COL11A1: variants seen among roughly 807,000 people sequenced by gnomAD.
The protein encoded by COL11A1 is collagen type XI alpha 1 chain.
COL11A1 carries 74 observed loss-of-function variants against 265.2 expected under a neutral mutation model. That is an observed-to-expected ratio of 0.28 (90% CI 0.23 to 0.34). The LOEUF (loss-of-function observed/expected upper bound fraction) is 0.34. Ranked by LOEUF, COL11A1 falls within the 10% of genes least tolerant of loss-of-function variation. COL11A1 has a pLI of 1.00. For synonymous variants in COL11A1, 816 were observed against 727.6 expected, an observed-to-expected ratio of 1.12 and a Z score of -1.96; for missense variants, 2,165 against 2,263.6, an observed-to-expected ratio of 0.96 and a Z score of 0.88.
chr1:103,054,194 T>A (rs1267690497), intron 4 of COL11A1, among the ~76,000 whole-genome samples: 2 of 152,252 alleles, frequency 1.3e-5, no homozygotes, highest in African/African-American at 4.8e-5. Flanking sequence ...AGTAATTTTG[T>A]TGTTTTAATA....
At chr1:103,048,237 C>A (rs965872868) in intron 4 of COL11A1, among the ~76,000 whole-genome samples, 2 of 152,024 alleles carry the variant, frequency 1.3e-5, no homozygotes, top group African/African-American at 4.8e-5. Context: ...TGGTCCTGGA[C>A]TTTTTTTGGT....
chr1:103,037,858 GA>G (rs1476295075), intron 4 of COL11A1, among the ~76,000 whole-genome samples: 1 of 151,942 alleles, frequency 6.6e-6, no homozygotes, highest in Non-Finnish European at 1.5e-5. Flanking sequence ...ATACCTTATT[GA>G]ACTACAGAAA....
chr1:102,940,501 A>G (rs1465339468), intron 42 of COL11A1, 67 bp from the exon 43 acceptor site: 13 of 1,133,858 alleles, frequency 1.1e-5, no homozygotes, highest in Admixed American at 2.0e-5. Flanking sequence ...GTAATAATCT[A>G]GCTTCTATAT....
chr1:102,998,471 C>T (rs1470391032), intron 24 of COL11A1, 108 bp from the exon 25 acceptor site: 1 of 663,066 alleles, frequency 1.5e-6, no homozygotes, highest in Non-Finnish European at 2.5e-6. Flanking sequence ...GGCTTCAATT[C>T]ATAAGTAATA....
At chr1:102,942,766 C>T (rs879757748) in intron 42 of COL11A1, among the ~76,000 whole-genome samples, 3 of 151,998 alleles carry the variant, frequency 2.0e-5, no homozygotes, top group Non-Finnish European at 4.4e-5. Flanking sequence ...TTTTATGGCA[C>T]TCTGATTCAC....
At chr1:103,048,626 C>T (rs949644765) in intron 4 of COL11A1, among the ~76,000 whole-genome samples, 23 of 152,082 alleles carry the variant, frequency 1.5e-4, no homozygotes, top group African/African-American at 5.1e-4. Context: ...TTAGTTATTT[C>T]TTGCTTTATG....
intron 39 of COL11A1, 111 bp downstream of exon 39, chr1:102,962,542 C>T (rs1661019565): frequency 1.0e-6 from 1 of 969,806 alleles, no homozygotes; most frequent in African/African-American, 1.6e-5. Context: ...AAATATTTTC[C>T]TGACACATCT....
intron 42 of COL11A1, among the ~76,000 whole-genome samples, chr1:102,942,746 T>C (rs888677776): frequency 1.3e-5 from 2 of 152,100 alleles, no homozygotes; most frequent in African/African-American, 4.8e-5. Flanking sequence ...CAGTTTATTA[T>C]TTCATCCTTT....
intron 53 of COL11A1, 93 bp downstream of exon 53, chr1:102,913,544 T>C: frequency 1.6e-6 from 2 of 1,221,166 alleles, no homozygotes; most frequent in South Asian, 1.2e-5. Context: ...TACATAGAGC[T>C]ATGTTTTTCA....
rs973339640 is a variant in COL11A1, at chr1:102,908,329, G to T, written c.4086+3830C>A. On this transcript the variant is annotated intron_variant, in intron 54 of 66. Coordinates refer to ENST00000370096, the MANE Select transcript of COL11A1 (RefSeq NM_001854.4). ...ATGTTACAAATATTTTCTCCTAATC[G>T]GATCTTTTTGTTCCAATGTCTTCTA... Among the ~76,000 whole-genome samples, 4 of 151,692 alleles carry T rather than the reference G, an allele frequency of 2.6e-5. No homozygotes were observed. In the East Asian group the frequency reaches 5.8e-4, roughly 22 times the overall value.
intron 4 of COL11A1, among the ~76,000 whole-genome samples, chr1:103,044,844 T>C (rs965922772): frequency 1.3e-5 from 2 of 152,034 alleles, no homozygotes; most frequent in African/African-American, 4.8e-5. Flanking sequence ...AAGAATAATG[T>C]AGTATGCCAG....
At chr1:102,990,781 C>G (rs1664050062) in intron 28 of COL11A1, among the ~76,000 whole-genome samples, 1 of 152,046 alleles carries the variant, frequency 6.6e-6, no homozygotes, top group Non-Finnish European at 1.5e-5. Context: ...GCCTGTAATC[C>G]CAGCAGTTTG....
chr1:102,924,391 T>C (rs1052821052), intron 46 of COL11A1, among the ~76,000 whole-genome samples: 30 of 152,236 alleles, frequency 2.0e-4, no homozygotes, highest in African/African-American at 7.0e-4. Context: ...GACTACTTAT[T>C]TGATCTTCCC....
chr1:102,937,431 G>C (rs1015999853), intron 44 of COL11A1, among the ~76,000 whole-genome samples: 1 of 152,080 alleles, frequency 6.6e-6, no homozygotes, highest in Non-Finnish European at 1.5e-5. Flanking sequence ...TACTGCTATC[G>C]TTTGGATATG....
intron 46 of COL11A1, among the ~76,000 whole-genome samples, chr1:102,930,458 G>T (rs914501119): frequency 6.6e-6 from 1 of 151,966 alleles, no homozygotes; most frequent in Non-Finnish European, 1.5e-5. Flanking sequence ...CATCATGGTG[G>T]ATAAGCTTTT....
chr1:103,004,460 C>G lies in COL11A1; in HGVS notation c.1928G>C (p.Gly643Ala), dbSNP rs1427555518. The G allele has an allele frequency of 1.2e-6, 2 of 1,611,598 alleles. No homozygotes were observed. Among genetic ancestry groups the G allele is most frequent in the African/African-American group, 2.7e-5 (2 of 74,806 alleles). The change falls in exon 20 of 67, where the codon GGT becomes GCT. Residue 643 changes from glycine (G) to alanine (A), a missense_variant. Gly to Ala is a moderately conservative substitution (Grantham distance 60). Transcript: ENST00000370096. ...RGEDGEIGPR[G>A]LPGEAGPRGL... is the part of the protein sequence containing the mutation. ...GTTGCTTACAGCTTCACCTGGAAGA[C>G]CTCTTGGTCCAATTTCTCCATCTTC...
At chr1:102,922,391 G>A (rs1018384587) in intron 47 of COL11A1, among the ~76,000 whole-genome samples, 9 of 152,068 alleles carry the variant, frequency 5.9e-5, no homozygotes, top group Admixed American at 1.3e-4. Context: ...CCAGTTATTT[G>A]AATCAGAAAA....
intron 1 of COL11A1, among the ~76,000 whole-genome samples, chr1:103,103,401 C>G (rs1013134772): frequency 6.6e-6 from 1 of 151,870 alleles, no homozygotes; most frequent in Non-Finnish European, 1.5e-5. Context: ...AGAGAGCATA[C>G]AAAACTATGT....
intron 44 of COL11A1, among the ~76,000 whole-genome samples, chr1:102,938,274 A>G (rs1485689963): frequency 6.6e-6 from 1 of 152,146 alleles, no homozygotes; most frequent in Non-Finnish European, 1.5e-5. Flanking sequence ...TGCTGGGGAT[A>G]ATGTATAAAC....
Sources: allele counts gnomAD v4.1 joint callset (sites outside exome capture counted in the v4.1 genomes callset), GRCh38; gene constraint gnomAD v4.1.1; transcripts MANE v1.5; gene names NCBI Gene and HGNC (gene_info 2026-07-23, HGNC 2026-07-21).